F8: variants seen among roughly 807,000 people sequenced by gnomAD.
F8 encodes antihemophilic factor.
F8 carries 12 observed loss-of-function variants against 140.6 expected under a neutral mutation model. The observed-to-expected ratio is 0.09, with a 90% confidence interval of 0.05 to 0.14. The LOEUF (loss-of-function observed/expected upper bound fraction) is 0.14, where lower values mean the gene tolerates loss of function less well. F8 is among the 10% of genes least tolerant of loss of function. The probability of loss-of-function intolerance (pLI) is 1.00; values close to 1 mark genes in which losing one functional copy is unlikely to be tolerated. For synonymous variants in F8, 585 were observed against 614.6 expected (o/e 0.95, Z 0.71); for missense variants, 1,354 against 1,720.7 (o/e 0.79, Z 3.77).
At chrX:155,008,950 C>T (rs1343196063) in intron 1 of F8, among the ~76,000 whole-genome samples, 2 of 111,578 alleles carry the variant, frequency 1.8e-5, no homozygotes, top group African/African-American at 3.3e-5. Context: ...GGAGCCTACC[C>T]GGCAGCGCGC....
intron 6 of F8, among the ~76,000 whole-genome samples, chrX:154,979,253 C>T (rs967864503): frequency 5.4e-5 from 6 of 111,702 alleles, no homozygotes; most frequent in Non-Finnish European, 1.1e-4. Context: ...TCCAGACCCT[C>T]AAGTGGTGCA....
chrX:154,966,574 C>G lies in F8; in HGVS notation c.1123G>C (p.Asp375His). 1.7e-6 allele frequency: 2 copies of G among 1,211,460 alleles called. No individual in the cohort carries two copies. The highest frequency in any genetic ancestry group is 2.2e-6 in the Non-Finnish European group (2 of 895,379). ...YDDDLTDSEM[D>H]VVRFDDDNSP... ...TTGTCATCATCAAACCTGACCACAT[C>G]CATTTCAGAATCAGTAAGATCATCA... is the stretch of plus-strand genomic sequence containing the variant. The change falls in exon 8 of 26, where the codon GAT becomes CAT. Residue 375 changes from aspartate to histidine, a missense_variant. Physicochemically the swap from Asp to His is moderately conservative, Grantham distance 81 (BLOSUM62 -1). Transcript: ENST00000360256.
At chrX:155,009,081 A>AT (rs781938309) in intron 1 of F8, among the ~76,000 whole-genome samples, 1,248 of 98,007 alleles carry the variant, frequency 0.013, 16 homozygotes, top group East Asian at 0.048. Context: ...AGTAACATTA[A>AT]TTTTTTTTTT....
At chrX:155,021,148 C>T (rs1385652132) in intron 1 of F8, among the ~76,000 whole-genome samples, 2 of 111,566 alleles carry the variant, frequency 1.8e-5, no homozygotes, top group Non-Finnish European at 3.8e-5. Context: ...AGTTCTAGTA[C>T]GTGTTAATGA....
rs1028540881 is a variant in F8 at position 154,978,564 on chromosome X, T to C, written c.787+6123A>G. Among the ~76,000 whole-genome samples the C allele has an allele frequency of 2.1e-4, 24 of 111,988 alleles. 1 individual carries two copies. The highest frequency in any genetic ancestry group is 7.8e-4 in the African/African-American group (24 of 30,789). On this transcript the variant is annotated intron_variant, in intron 6 of 25. Coordinates refer to ENST00000360256, the MANE Select transcript of F8 (RefSeq NM_000132.4). ...TTGTGCTATCAAATAGCAGGTCTTA[T>C]TCATTCTTTCTATTTTTTTGTACCC...
chrX:154,932,888 C>T (rs2073205429), intron 13 of F8, among the ~76,000 whole-genome samples: 1 of 110,562 alleles, frequency 9.0e-6, no homozygotes, highest in South Asian at 3.9e-4. Context: ...AAAAGGAATA[C>T]ATTATATGAT....
chrX:154,978,084 C>T (rs887247480), intron 6 of F8, among the ~76,000 whole-genome samples: 5 of 109,446 alleles, frequency 4.6e-5, no homozygotes, highest in African/African-American at 1.7e-4. Context: ...TCAATGAATT[C>T]TTTGGTTCCA....
chrX:154,982,492 T>C (rs1336249841), intron 6 of F8, among the ~76,000 whole-genome samples: 2 of 107,017 alleles, frequency 1.9e-5, no homozygotes, highest in African/African-American at 3.4e-5. Flanking sequence ...TACACACTTA[T>C]ATATACATAT....
intron 14 of F8, among the ~76,000 whole-genome samples, chrX:154,910,681 C>T (rs1179189657): frequency 8.9e-6 from 1 of 112,247 alleles, no homozygotes. Context: ...CAAGGTTTCT[C>T]CCCATGTGAT....
At chrX:155,013,787 G>A (rs782756773) in intron 1 of F8, among the ~76,000 whole-genome samples, 13 of 111,538 alleles carry the variant, frequency 1.2e-4, no homozygotes, top group African/African-American at 2.0e-4. Context: ...GTGCCAGCAC[G>A]GTCAGTTTCT....
At position 154,941,874 on chromosome X, in the gene F8, G is replaced by A. The variant is rs1354451500; in HGVS notation, c.2113+5824C>T. On this transcript the variant is annotated intron_variant, in intron 13 of 25. Coordinates refer to ENST00000360256, the MANE Select transcript of F8 (RefSeq NM_000132.4). The stretch of plus-strand genomic sequence containing the variant: ...AGGATTAAGAAACTCACTCAAAACC[G>A]CTCAACTACATGGAAACTGAACAAC... Among the ~76,000 whole-genome samples the A allele has an allele frequency of 8.2e-3, 861 of 104,396 alleles. 13 individuals are homozygous for A. Among genetic ancestry groups the A allele is most frequent in the African/African-American group, 0.029 (829 of 28,590 alleles). 90.7% of individuals were successfully genotyped at this position (104,396 alleles called of 115,157 possible).
rs137917493 is a variant in F8 at position 154,916,246 on chromosome X, C to T, written c.5220-9673G>A. 2.2e-4 allele frequency among the ~76,000 whole-genome samples: 25 copies of T among 111,779 alleles called. No homozygotes were observed. The East Asian group carries it at 6.7e-3, about 30-fold the overall frequency. On this transcript the variant is annotated intron_variant, in intron 14 of 25. Coordinates refer to ENST00000360256, the MANE Select transcript of F8 (RefSeq NM_000132.4). Reference sequence around the variant, plus strand: ...GGATTTTTGCATCTATATTCATCAGCGAAGTTGGCCTGTAGTTTTCTTTTT... The same window carrying T: ...GGATTTTTGCATCTATATTCATCAGTGAAGTTGGCCTGTAGTTTTCTTTTT...
rs1018602822 is a variant in F8, at chrX:154,998,527, T to G, written c.265+952A>C. On this transcript the variant is annotated intron_variant, in intron 2 of 25. Transcript: ENST00000360256. ...TTTCTTTCTTAGGGAACTTATGAGT[T>G]ATTTGGAGACCTCTCCCTGCCAACA... 8.0e-5 allele frequency among the ~76,000 whole-genome samples: 9 copies of G among 112,557 alleles called. No individual in the cohort carries two copies. In the Admixed American group the frequency reaches 8.4e-4, roughly 11 times the overall value.
intron 22 of F8, among the ~76,000 whole-genome samples, chrX:154,866,021 G>A (rs916406181): frequency 9.0e-6 from 1 of 111,197 alleles, no homozygotes; most frequent in East Asian, 2.8e-4. Context: ...TTTGATTTAA[G>A]GACATACATA....
intron 6 of F8, among the ~76,000 whole-genome samples, chrX:154,981,515 A>G (rs1418697742): frequency 1.5e-4 from 16 of 109,415 alleles, no homozygotes; most frequent in Non-Finnish European, 1.7e-4. Flanking sequence ...CTTTTCTTAT[A>G]AACGCCAGAT....
intron 9 of F8, among the ~76,000 whole-genome samples, chrX:154,961,927 C>A (rs1262701764): frequency 9.0e-6 from 1 of 111,338 alleles, no homozygotes; most frequent in African/African-American, 3.3e-5. Flanking sequence ...GACCACTGAC[C>A]ATGGACTGGC....
intron 3 of F8, among the ~76,000 whole-genome samples, chrX:154,993,897 T>C (rs1466588008): frequency 8.9e-6 from 1 of 112,338 alleles, no homozygotes; most frequent in Non-Finnish European, 1.9e-5. Context: ...TATAAAGATA[T>C]AATTATAATA....
At chrX:154,923,784 A>G (rs892772016) in intron 14 of F8, among the ~76,000 whole-genome samples, 6 of 111,250 alleles carry the variant, frequency 5.4e-5, no homozygotes, top group Admixed American at 4.8e-4. Context: ...GGGAGGGGAC[A>G]GGGGGAATGA....
chrX:155,018,031 A>AT lies in F8; in HGVS notation c.143+4378dup, dbSNP rs782805561. 7.7e-3 allele frequency among the ~76,000 whole-genome samples: 753 copies of AT among 98,238 alleles called. 10 individuals are homozygous for AT. Among genetic ancestry groups the AT allele is most frequent in the African/African-American group, 0.024 (656 of 26,966 alleles). The allele number at this position is 98,238 out of a possible 115,157, so 85.3% of individuals were successfully genotyped here. ...AGGTGAGCACCACCATGCCCAGCTA[A>AT]TTTTTTTTTTTTTTTTGGTAGACAC... On this transcript the variant is annotated intron_variant, in intron 1 of 25. Transcript: ENST00000360256.
Sources: gnomAD v4.1 joint callset for allele counts (sites outside exome capture counted in the v4.1 genomes callset) on GRCh38, gnomAD v4.1.1 for gene constraint, MANE v1.5 for transcripts, NCBI Gene and HGNC (gene_info 2026-07-23, HGNC 2026-07-21) for gene names.